The following TRHDE variants were observed in gnomAD, a reference collection of about 807,000 sequenced individuals.
The protein encoded by TRHDE is thyrotropin releasing hormone degrading enzyme.
Under a neutral mutation model 125.7 loss-of-function variants are expected in TRHDE, and 72 were observed. The observed-to-expected ratio is 0.57, with a 90% confidence interval of 0.47 to 0.70. TRHDE has a LOEUF of 0.70. Ranked by LOEUF, TRHDE falls within the 30% of genes least tolerant of loss-of-function variation. TRHDE has a pLI of 0.00. For synonymous variants in TRHDE, 509 were observed against 509.1 expected (o/e 1.00, Z 0.00); for missense variants, 1,110 against 1,327.1 (o/e 0.84, Z 2.54).
rs1017305709 is a variant in TRHDE at position 72,635,599 on chromosome 12, A to C, written c.2675+13848A>C. 2.2e-4 allele frequency among the ~76,000 whole-genome samples: 34 copies of C among 152,016 alleles called. No individual in the cohort carries two copies. In the East Asian group the frequency reaches 6.4e-3, roughly 29 times the overall value. ...GCCCGTGCCTATGTCCTGAATGGTA[A>C]TGCCTAGGTTTTCTTCTAGGGTTTT... On this transcript the variant is annotated intron_variant, in intron 15 of 18. Coordinates refer to ENST00000261180, the MANE Select transcript of TRHDE (RefSeq NM_013381.3).
At chr12:72,426,952 A>T (rs900961456) in intron 3 of TRHDE, among the ~76,000 whole-genome samples, 1 of 152,088 alleles carries the variant, frequency 6.6e-6, no homozygotes, top group East Asian at 1.9e-4. Context: ...TTAGTGGCCA[A>T]ATGTCACCTA....
chr12:72,394,649 A>G (rs967059786), intron 3 of TRHDE, among the ~76,000 whole-genome samples: 3 of 152,164 alleles, frequency 2.0e-5, no homozygotes, highest in Admixed American at 6.6e-5. Context: ...AAACTTGGCT[A>G]TATGTTGAAG....
upstream of TRHDE, among the ~76,000 whole-genome samples, chr12:72,268,821 C>T (rs1239538397): frequency 6.6e-6 from 1 of 151,958 alleles, no homozygotes; most frequent in Non-Finnish European, 1.5e-5. Flanking sequence ...AATATTCAGA[C>T]AATTTTTACT....
intron 6 of TRHDE, among the ~76,000 whole-genome samples, chr12:72,541,881 T>G (rs1334720155): frequency 6.6e-6 from 1 of 151,442 alleles, no homozygotes; most frequent in Admixed American, 6.6e-5. Flanking sequence ...TCAGTACCTA[T>G]TTTACTTCAA....
At chr12:72,131,544 A>T (rs1445646747) in intron 2 of TRHDE, among the ~76,000 whole-genome samples, 1 of 152,112 alleles carries the variant, frequency 6.6e-6, no homozygotes, top group African/African-American at 2.4e-5. Flanking sequence ...ATTGATTCAC[A>T]TGAGCTTTCA....
At chr12:72,101,323 C>T (rs116686723) in intron 1 of TRHDE, among the ~76,000 whole-genome samples, 1 of 152,142 alleles carries the variant, frequency 6.6e-6, no homozygotes, top group African/African-American at 2.4e-5. Context: ...TCAATAATAA[C>T]TTAGTTCTTC....
chr12:72,399,029 C>G (rs936515951), intron 3 of TRHDE, among the ~76,000 whole-genome samples: 1 of 152,204 alleles, frequency 6.6e-6, no homozygotes, highest in African/African-American at 2.4e-5. Flanking sequence ...CCTCTCAGAT[C>G]AGTGGTGGCA....
intron 5 of TRHDE, 70 bp from the exon 6 acceptor site, chr12:72,499,428 G>C: frequency 6.5e-7 from 1 of 1,545,068 alleles, no homozygotes; most frequent in Non-Finnish European, 8.8e-7. Flanking sequence ...CACACATTAT[G>C]TTCATGTCAT....
intron 7 of TRHDE, among the ~76,000 whole-genome samples, chr12:72,556,265 G>C (rs1869917571): frequency 6.6e-6 from 1 of 152,156 alleles, no homozygotes; most frequent in Non-Finnish European, 1.5e-5. Context: ...AACCCATTAG[G>C]GTTGTATTAT....
chr12:72,165,761 G>A (rs1053649543), intron 2 of TRHDE, among the ~76,000 whole-genome samples: 21 of 151,602 alleles, frequency 1.4e-4, no homozygotes, highest in African/African-American at 4.4e-4. Context: ...TGCAAGCTGC[G>A]CCTCCTGGGT....
intron 3 of TRHDE, among the ~76,000 whole-genome samples, chr12:72,465,238 C>T (rs1876314732): frequency 6.6e-6 from 1 of 151,852 alleles, no homozygotes; most frequent in Middle Eastern, 3.4e-3. Context: ...CATTCAGGTA[C>T]AGTAATGTAC....
intron 7 of TRHDE, among the ~76,000 whole-genome samples, chr12:72,559,939 T>C (rs1251817076): frequency 1.3e-5 from 2 of 152,190 alleles, no homozygotes; most frequent in Non-Finnish European, 2.9e-5. Context: ...TTCTTCACCA[T>C]TGTTTCCCCT....
intron 2 of TRHDE, among the ~76,000 whole-genome samples, chr12:72,361,620 G>A (rs1871088624): frequency 6.7e-6 from 1 of 150,108 alleles, no homozygotes; most frequent in South Asian, 2.1e-4. Context: ...GTGCAGGTTA[G>A]TTACATATGT....
chr12:72,485,588 A>G lies in TRHDE; in HGVS notation c.1584+12408A>G, dbSNP rs115414168. Among the ~76,000 whole-genome samples, 427 of 152,150 alleles carry G rather than the reference A, an allele frequency of 2.8e-3. 3 individuals carry two copies. The highest frequency in any genetic ancestry group is 0.01 in the Middle Eastern group (3 of 294). ...ACACCAGAGCAGTTGACCCCTCCCC[A>G]TTCTACAGGTGAGGCAGCATCCTGT... On this transcript the variant is annotated intron_variant, in intron 5 of 18. Transcript: ENST00000261180.
chr12:72,212,300 G>T (rs998796571), intron 2 of TRHDE, among the ~76,000 whole-genome samples: 4 of 151,704 alleles, frequency 2.6e-5, no homozygotes, highest in African/African-American at 9.7e-5. Context: ...TTAGGAGTTA[G>T]TCTTTATGAT....
chr12:72,504,441 C>T (rs1878279556), intron 6 of TRHDE, among the ~76,000 whole-genome samples: 1 of 151,892 alleles, frequency 6.6e-6, no homozygotes, highest in Non-Finnish European at 1.5e-5. Context: ...GCAGCTGGGA[C>T]TATGGGTGCC....
chr12:72,425,003 A>G (rs1874124055), intron 3 of TRHDE, among the ~76,000 whole-genome samples: 1 of 152,160 alleles, frequency 6.6e-6, no homozygotes, highest in Non-Finnish European at 1.5e-5. Context: ...TTTTATAGTC[A>G]CTTTTACTGT....
At chr12:72,402,281 G>A (rs533877214) in intron 3 of TRHDE, among the ~76,000 whole-genome samples, 2 of 150,652 alleles carry the variant, frequency 1.3e-5, no homozygotes, top group African/African-American at 2.4e-5. Context: ...AAAAAAAACC[G>A]CAAAAAAAAA....
intron 3 of TRHDE, among the ~76,000 whole-genome samples, chr12:72,455,672 A>T (rs1021390927): frequency 6.6e-6 from 1 of 152,162 alleles, no homozygotes; most frequent in African/African-American, 2.4e-5. Flanking sequence ...GGTGGTAGAG[A>T]TCAGTATGTC....
Sources: gnomAD v4.1 joint callset for allele counts (sites outside exome capture counted in the v4.1 genomes callset) on GRCh38, gnomAD v4.1.1 for gene constraint, MANE v1.5 for transcripts, NCBI Gene and HGNC (gene_info 2026-07-23, HGNC 2026-07-21) for gene names.